The following TUSC3 variants were observed in gnomAD, a reference collection of about 807,000 sequenced individuals.
TUSC3 encodes tumor suppressor candidate 3.
A neutral mutation model predicts 44.8 loss-of-function variants in TUSC3; 45 were observed. That is an observed-to-expected ratio of 1.00 (90% confidence interval 0.79 to 1.29). TUSC3 has a LOEUF of 1.29. TUSC3 is among the 50% of genes most tolerant of loss of function. The pLI is 0.00. For missense variants in TUSC3, 519 were observed against 437.9 expected (o/e 1.19, Z -1.65); for synonymous variants, 212 against 152.9 (o/e 1.39, Z -2.85).
chr8:15,751,721 C>T (rs912883118), intron 9 of TUSC3, among the ~76,000 whole-genome samples: 1 of 152,084 alleles, frequency 6.6e-6, no homozygotes, highest in Non-Finnish European at 1.5e-5. Context: ...AATATGTGAC[C>T]AGAGTAGTAT....
intron 6 of TUSC3, chr8:15,689,064 A>C (rs1808773192): frequency 3.0e-6 from 1 of 334,472 alleles, no homozygotes; most frequent in Admixed American, 4.0e-5. Flanking sequence ...GTCATTTACA[A>C]AATCTTCTGC....
chr8:15,808,282 T>G, the TUSC3 span, among the ~76,000 whole-genome samples: 1 of 152,226 alleles, frequency 6.6e-6, no homozygotes, highest in East Asian at 1.9e-4. Flanking sequence ...TGGTTATTAT[T>G]TTAATACTAA....
At chr8:15,625,175 T>TA (rs1238065559) in intron 2 of TUSC3, among the ~76,000 whole-genome samples, 1 of 152,210 alleles carries the variant, frequency 6.6e-6, no homozygotes, top group Non-Finnish European at 1.5e-5. Flanking sequence ...GAACTGGTCT[T>TA]GCATACAGGA....
chr8:15,832,099 G>A, the TUSC3 span, among the ~76,000 whole-genome samples: 1 of 152,146 alleles, frequency 6.6e-6, no homozygotes, highest in Non-Finnish European at 1.5e-5. Context: ...GGATTGCTCA[G>A]CAGAAAACCC....
chr8:15,448,350 C>G (rs1563253482), intron 1 of TUSC3, among the ~76,000 whole-genome samples: 2 of 151,808 alleles, frequency 1.3e-5, no homozygotes, highest in South Asian at 4.1e-4. Context: ...AACTCCCAGC[C>G]TCAGGCAATC....
intron 6 of TUSC3, among the ~76,000 whole-genome samples, chr8:15,697,293 A>C (rs1336484624): frequency 1.3e-5 from 2 of 151,598 alleles, no homozygotes; most frequent in African/African-American, 4.9e-5. Context: ...TTCTGCTCTG[A>C]TCTTGGTTAT....
rs777277276 is a variant in TUSC3 at position 15,659,576 on chromosome 8, T to G, written c.496T>G (p.Phe166Val). Residue 166 changes from phenylalanine to valine, a missense_variant, in exon 4 of 11, where the codon TTT (phenylalanine) becomes GTT (valine). By Grantham distance (50) the Phe-to-Val change is conservative. Transcript: ENST00000503731. ...AGGCAGACCTAAGAGAGCTGATACT[T>G]TTGACCTCCAAAGAATTGGATTTGC... ...PKGRPKRADT[F>V]DLQRIGFAAE... 1.9e-6 allele frequency: 3 copies of G among 1,613,532 alleles called. No homozygotes were observed. The South Asian group carries it at 3.3e-5, about 18-fold the overall frequency.
chr8:15,741,529 A>G lies in TUSC3; in HGVS notation c.863-2009A>G, dbSNP rs116872918. 1.2e-3 allele frequency among the ~76,000 whole-genome samples: 189 copies of G among 152,226 alleles called. 4 individuals are homozygous for G. In the East Asian group the frequency reaches 0.034, roughly 28 times the overall value. On this transcript the variant is annotated intron_variant, in intron 7 of 10. Transcript: ENST00000503731. ...GGCGAAACCCCAACTCTACTAAAAT[A>G]CTAAAGTTGTCCGGGCATGGCGGTG...
At chr8:15,637,621 T>C (rs1321620613) in intron 2 of TUSC3, among the ~76,000 whole-genome samples, 1 of 152,206 alleles carries the variant, frequency 6.6e-6, no homozygotes, top group African/African-American at 2.4e-5. Context: ...AGTAGCCTTG[T>C]ACAGATGCTG....
intron 2 of TUSC3, among the ~76,000 whole-genome samples, chr8:15,487,541 G>C (rs566204611): frequency 6.6e-6 from 1 of 152,100 alleles, no homozygotes; most frequent in African/African-American, 2.4e-5. Flanking sequence ...ATCCTGGTAG[G>C]CTTATGTCTT....
At position 15,441,222 on chromosome 8, in the gene TUSC3, C is replaced by T. The variant is rs899843330; in HGVS notation, n.91+23917C>T. 5.9e-5 allele frequency among the ~76,000 whole-genome samples: 9 copies of T among 152,308 alleles called. No homozygotes were observed. The East Asian group carries it at 1.7e-3, about 29-fold the overall frequency. On this transcript the variant is annotated intron_variant and non_coding_transcript_variant, in intron 1 of 5. Coordinates refer to the TUSC3 transcript ENST00000503191. Reference sequence around the variant, plus strand: ...AGAAGTTCAAAACCAGTCTTGTCAACATGACGAAACCCCGTCTCTACTGAA... The same window carrying T: ...AGAAGTTCAAAACCAGTCTTGTCAATATGACGAAACCCCGTCTCTACTGAA...
At chr8:15,689,145 G>T (rs1288203452) in intron 6 of TUSC3, 2 of 400,454 alleles carry the variant, frequency 5.0e-6, no homozygotes, top group African/African-American at 2.1e-5. Flanking sequence ...CTCATTTATC[G>T]CTTTTTCTTT....
At position 15,693,565 on chromosome 8, in the gene TUSC3, C is replaced by G. The variant is rs534506243; in HGVS notation, c.798+19729C>G. Among the ~76,000 whole-genome samples, 9 of 144,254 alleles carry G rather than the reference C, an allele frequency of 6.2e-5. No individual in the cohort carries two copies. The South Asian group carries it at 1.1e-3, about 18-fold the overall frequency. The allele number at this position is 144,254 out of a possible 152,430, so 94.6% of individuals were successfully genotyped here. A position where few individuals can be genotyped will look rare whatever the true frequency, so the allele number is the denominator to read the frequency against. On this transcript the variant is annotated intron_variant, in intron 6 of 10. Transcript: ENST00000503731. ...CCTTTATAGGTGATCTGGCCCTTTT[C>G]TCTAGCTGCCTTAGCTTTTTTTTCC...
intron 2 of TUSC3, 43 bp downstream of exon 2, chr8:15,623,292 G>A: frequency 6.7e-7 from 1 of 1,497,496 alleles, no homozygotes; most frequent in East Asian, 2.5e-5. Flanking sequence ...ATTATTCTTG[G>A]TTTACATATA....
At chr8:15,647,504 C>T (rs961793503) in intron 2 of TUSC3, among the ~76,000 whole-genome samples, 1 of 152,074 alleles carries the variant, frequency 6.6e-6, no homozygotes, top group Non-Finnish European at 1.5e-5. Context: ...CTTTTCATCT[C>T]GAAGTCTAAA....
chr8:15,595,534 C>G (rs1424968317), intron 1 of TUSC3, among the ~76,000 whole-genome samples: 1 of 152,112 alleles, frequency 6.6e-6, no homozygotes, highest in Non-Finnish European at 1.5e-5. Flanking sequence ...TCCTGATGAC[C>G]AGCGTCCTGA....
At chr8:15,633,216 C>G (rs1805900531) in intron 2 of TUSC3, among the ~76,000 whole-genome samples, 1 of 152,154 alleles carries the variant, frequency 6.6e-6, no homozygotes, top group Non-Finnish European at 1.5e-5. Context: ...ACTTTTATCT[C>G]TTTGGCCTGA....
Position 15,623,218 on chromosome 8 carries a change from C to G in TUSC3, c.277C>G (p.Leu93Val). The change falls in exon 2 of 11, where the codon CTT (leucine) becomes GTT (valine). Residue 93 changes from leucine (L) to valine (V), a missense_variant. Physicochemically the swap from Leu to Val is conservative, Grantham distance 32 (BLOSUM62 1). Transcript: ENST00000503731. ...TTCCATGATTGTTATGTTCACTGCTCTTCAGCCTCAGCGGCAGTGTTCTGT... is the reference window on the plus strand; with the variant it reads ...TTCCATGATTGTTATGTTCACTGCTGTTCAGCCTCAGCGGCAGTGTTCTGT... ...NYSMIVMFTALQPQRQCSVCR... is the reference protein window; with the variant it reads ...NYSMIVMFTAVQPQRQCSVCR... 2 of 1,610,500 alleles carry G rather than the reference C, an allele frequency of 1.2e-6. No individual in the cohort carries two copies. Among genetic ancestry groups the G allele is most frequent in the South Asian group, 1.1e-5 (1 of 89,920 alleles).
At chr8:15,741,878 A>C (rs545657421) in intron 7 of TUSC3, among the ~76,000 whole-genome samples, 2 of 152,184 alleles carry the variant, frequency 1.3e-5, no homozygotes, top group Non-Finnish European at 2.9e-5. Context: ...AGTCACATCT[A>C]TCTGCTCTAG....
Sources: allele counts gnomAD v4.1 joint callset (sites outside exome capture counted in the v4.1 genomes callset), GRCh38; gene constraint gnomAD v4.1.1; transcripts MANE v1.5; gene names NCBI Gene and HGNC (gene_info 2026-07-23, HGNC 2026-07-21).